ZNF407: variants seen among roughly 807,000 people sequenced by gnomAD.
The protein encoded by ZNF407 is zinc finger protein 407.
A neutral mutation model predicts 131.2 loss-of-function variants in ZNF407; 17 were observed. The observed-to-expected ratio is 0.13, with a 90% CI of 0.09 to 0.19. The LOEUF is 0.19. Among genes scored for constraint, ZNF407 ranks in the 10% least tolerant of loss-of-function variants. The pLI is 1.00. For synonymous variants in ZNF407, 1,156 were observed against 1,062.0 expected, an observed-to-expected ratio of 1.09 and a Z score of -1.72; for missense variants, 2,681 against 2,830.6, an observed-to-expected ratio of 0.95 and a Z score of 1.20.
chr18:74,607,850 CT>C (rs1982877616), intron 1 of ZNF407, among the ~76,000 whole-genome samples: 1 of 152,174 alleles, frequency 6.6e-6, no homozygotes, highest in Non-Finnish European at 1.5e-5. Flanking sequence ...GGTCATTTAT[CT>C]GGAAAGACTT....
intron 8 of ZNF407, among the ~76,000 whole-genome samples, chr18:74,968,449 G>A (rs923255692): frequency 1.3e-5 from 2 of 152,056 alleles, no homozygotes; most frequent in Admixed American, 1.3e-4. Context: ...GTCATTTCTT[G>A]TGTTCGAATA....
At position 74,629,818 on chromosome 18, in the gene ZNF407, AATG is replaced by A. The variant is rs1224127063; in HGVS notation, c.-53-1146_-53-1144del. Among the ~76,000 whole-genome samples the A allele has an allele frequency of 4.2e-4, 64 of 152,220 alleles. 1 individual carries two copies. The highest frequency in any genetic ancestry group is 3.9e-4 in the Admixed American group (6 of 15,284). The stretch of plus-strand genomic sequence containing the variant: ...CCATCATGGTGTAAAGTAAATGGAA[AATG>A]ATATGTTTTAATTGAATTAAATAGC... On this transcript the variant is annotated intron_variant, in intron 1 of 8. Coordinates refer to ENST00000299687, the MANE Select transcript of ZNF407 (RefSeq NM_017757.3).
Position 75,057,447 on chromosome 18 carries a change from C to A in ZNF407, c.5429-5703C>A, listed in dbSNP as rs1217980567. 2.0e-5 allele frequency among the ~76,000 whole-genome samples: 3 copies of A among 152,162 alleles called. No individual in the cohort carries two copies. The East Asian group carries it at 5.8e-4, about 29-fold the overall frequency. The stretch of plus-strand genomic sequence containing the variant: ...CTTTCTATTGTCATCAGCTTTCATT[C>A]TCCTGAAAATTCTATGAATTTTTAT... On this transcript the variant is annotated intron_variant, in intron 8 of 8. Coordinates refer to ENST00000299687, the MANE Select transcript of ZNF407 (RefSeq NM_017757.3).
intron 8 of ZNF407, among the ~76,000 whole-genome samples, chr18:74,995,264 A>G (rs1972767009): frequency 6.6e-6 from 1 of 152,134 alleles, no homozygotes; most frequent in Non-Finnish European, 1.5e-5. Context: ...GTGGCACCTT[A>G]GGGCTAAAGG....
At chr18:74,853,757 C>T (rs113574499) in intron 4 of ZNF407, among the ~76,000 whole-genome samples, 141 of 152,180 alleles carry the variant, frequency 9.3e-4, no homozygotes, top group African/African-American at 3.3e-3. Context: ...GTGTACCCAC[C>T]CAGCAATCTA....
At position 74,631,373 on chromosome 18, in the gene ZNF407, T is replaced by G. The variant is rs1170135536; in HGVS notation, c.354T>G (p.Ser118Arg). 2.5e-6 allele frequency: 4 copies of G among 1,613,822 alleles called. No individual in the cohort carries two copies. The highest frequency in any genetic ancestry group is 3.4e-6 in the Non-Finnish European group (4 of 1,179,872). Residue 118 changes from serine (S) to arginine (R), a missense_variant, in exon 2 of 9, where the codon AGT (serine) becomes AGG (arginine). Ser to Arg is a moderately radical substitution (Grantham distance 110, BLOSUM62 -1). Transcript: ENST00000299687. ...AAACAGGGAAGGAGACCTTTCTGAG[T>G]GACTGCACAGTTGGAGGCACATGTC... ...LDETGKETFL[S>R]DCTVGGTCLP...
intron 1 of ZNF407, among the ~76,000 whole-genome samples, chr18:74,613,458 C>CT (rs1006482266): frequency 4.6e-5 from 7 of 152,192 alleles, no homozygotes; most frequent in African/African-American, 1.7e-4. Flanking sequence ...ATACTGAGTG[C>CT]TGAAATTGTC....
chr18:74,812,033 TAAAA>T (rs891507011), intron 4 of ZNF407, among the ~76,000 whole-genome samples: 5 of 151,040 alleles, frequency 3.3e-5, no homozygotes, highest in Non-Finnish European at 5.9e-5. Flanking sequence ...AGTATAAAAA[TAAAA>T]AAAAATAAAT....
At chr18:74,814,041 T>TA (rs1970234785) in intron 4 of ZNF407, among the ~76,000 whole-genome samples, 1 of 152,210 alleles carries the variant, frequency 6.6e-6, no homozygotes, top group African/African-American at 2.4e-5. Context: ...CATAAGGGCA[T>TA]ATTTCATTTC....
In ZNF407 at chr18:74,810,784, A is replaced by G. The variant is rs1251574124; in HGVS notation, c.4877+29282A>G. On this transcript the variant is annotated intron_variant, in intron 4 of 8. Transcript: ENST00000299687. Reference sequence around the variant, plus strand: ...CCTATTTAATAAATGGTGCTGGGAAAACTGGCTAGCCATATGTAGAAAGCT... The same window carrying G: ...CCTATTTAATAAATGGTGCTGGGAAGACTGGCTAGCCATATGTAGAAAGCT... Among the ~76,000 whole-genome samples, 11 of 152,264 alleles carry G rather than the reference A, an allele frequency of 7.2e-5. No individual in the cohort carries two copies. The East Asian group carries it at 1.5e-3, about 21-fold the overall frequency.
chr18:74,956,492 T>C (rs1225316144), intron 8 of ZNF407, among the ~76,000 whole-genome samples: 1 of 152,200 alleles, frequency 6.6e-6, no homozygotes, highest in East Asian at 1.9e-4. Context: ...ACTACAGTTG[T>C]CTTTCTCCAA....
chr18:74,666,273 C>T (rs960309074), intron 3 of ZNF407, among the ~76,000 whole-genome samples: 1 of 152,156 alleles, frequency 6.6e-6, no homozygotes, highest in Admixed American at 6.5e-5. Flanking sequence ...ATGTCTTGAG[C>T]TTCTACAGGC....
At chr18:75,004,438 C>T (rs1167651631) in intron 8 of ZNF407, among the ~76,000 whole-genome samples, 1 of 152,166 alleles carries the variant, frequency 6.6e-6, no homozygotes, top group Non-Finnish European at 1.5e-5. Context: ...GGAGACAAGC[C>T]AGAGCAGGAC....
chr18:74,621,271 A>T (rs1983498328), intron 1 of ZNF407, among the ~76,000 whole-genome samples: 1 of 152,090 alleles, frequency 6.6e-6, no homozygotes, highest in Non-Finnish European at 1.5e-5. Context: ...TTTAGGAGTT[A>T]CCTATTGCTA....
Position 74,781,419 on chromosome 18 carries a change from A to C in ZNF407, c.4803-9A>C. On this transcript the variant is annotated splice_polypyrimidine_tract_variant and intron_variant, in intron 3 of 8. Transcript: ENST00000299687. ...TTTAGTTTTATAATTACTTTTGTTTATTTTTTAGGGTTGCTTTTGTAATGA... is the reference window on the plus strand; with the variant it reads ...TTTAGTTTTATAATTACTTTTGTTTCTTTTTTAGGGTTGCTTTTGTAATGA... 1.3e-6 allele frequency: 2 copies of C among 1,531,306 alleles called. No individual in the cohort carries two copies. The highest frequency in any genetic ancestry group is 1.8e-6 in the Non-Finnish European group (2 of 1,137,146). The allele number at this position is 1,531,306 out of a possible 1,614,324, so 94.9% of individuals were successfully genotyped here.
chr18:75,063,460 C>G lies in ZNF407; in HGVS notation c.5739C>G (p.Ala1913=), dbSNP rs757251807. 1 of 1,606,568 alleles carries G rather than the reference C, an allele frequency of 6.2e-7. No individual in the cohort carries two copies. The highest frequency in any genetic ancestry group is 8.5e-7 in the Non-Finnish European group (1 of 1,177,558). ...VHITEDGQVI[A]TSQSGAHVGS... ...TCACGGAGGATGGCCAGGTCATCGCCACGAGTCAGAGCGGGGCACATGTAG... is the reference window on the plus strand; with the variant it reads ...TCACGGAGGATGGCCAGGTCATCGCGACGAGTCAGAGCGGGGCACATGTAG... Residue 1913 remains alanine (A), a synonymous_variant, in exon 9 of 9, where the codon GCC becomes GCG. Coordinates refer to ENST00000299687, the MANE Select transcript of ZNF407 (RefSeq NM_017757.3). This position sits in a 1 kb window ranked among gnomAD's most constrained non-coding sequence, Gnocchi z 6.6.
In ZNF407 at chr18:74,635,204, T is replaced by C. The variant is rs1195388652; in HGVS notation, c.4185T>C (p.Ala1395=). 6.2e-7 allele frequency: 1 copy of C among 1,613,990 alleles called. No homozygotes were observed. ...GTGAGCTGCCCTTGAAAGACTGTGC[T>C]CAAGGTGTGAAAAAGAAGAAATCTG... The part of the protein sequence containing the change: ...RISELPLKDC[A]QGVKKKKSEG... The change falls in exon 2 of 9, where the codon GCT becomes GCC. Residue 1395 remains alanine (A), a synonymous_variant. Coordinates refer to ENST00000299687, the MANE Select transcript of ZNF407 (RefSeq NM_017757.3). This position sits in a 1 kb window ranked among gnomAD's most constrained non-coding sequence, Gnocchi z 4.7.
chr18:74,726,135 CT>C (rs946420635), intron 3 of ZNF407, among the ~76,000 whole-genome samples: 23 of 152,040 alleles, frequency 1.5e-4, no homozygotes, highest in Admixed American at 1.2e-3. Context: ...GTTGCAATCT[CT>C]TTTTTTTCCC....
chr18:75,018,286 A>T (rs1973068675), intron 8 of ZNF407, among the ~76,000 whole-genome samples: 1 of 152,040 alleles, frequency 6.6e-6, no homozygotes, highest in Admixed American at 6.6e-5. Context: ...CCAAGCACCT[A>T]TAAATATTGA....
Sources: allele counts gnomAD v4.1 joint callset (sites outside exome capture counted in the v4.1 genomes callset), GRCh38; gene constraint gnomAD v4.1.1; non-coding constraint Gnocchi (gnomAD v3.1); transcripts MANE v1.5; gene names NCBI Gene and HGNC (gene_info 2026-07-23, HGNC 2026-07-21).